The following SMARCAD1 variants were observed in gnomAD, a reference collection of about 807,000 sequenced individuals.
SMARCAD1 encodes the protein SNF2 related chromatin remodeling ATPase with DExD box 1.
A neutral mutation model predicts 127.1 loss-of-function variants in SMARCAD1; 25 were observed. The ratio of observed to expected loss-of-function variants is 0.20; its 90% confidence interval spans 0.14 to 0.27. SMARCAD1 has a LOEUF of 0.27. Ranked by LOEUF, SMARCAD1 falls within the 10% of genes least tolerant of loss-of-function variation. The pLI is 1.00. For synonymous variants in SMARCAD1, 400 were observed against 396.9 expected, an observed-to-expected ratio of 1.01 and a Z score of -0.09; for missense variants, 807 against 1,206.0, an observed-to-expected ratio of 0.67 and a Z score of 4.90.
At position 94,274,726 on chromosome 4, in the gene SMARCAD1, T is replaced by C. The variant is rs780767433; in HGVS notation, c.1673-12T>C. ...TGTAGCAGATGCAAATAATGTCTCT[T>C]CTGTTCCATAGATAACTGGTTAAGG... On this transcript the variant is annotated splice_polypyrimidine_tract_variant and intron_variant, in intron 12 of 23. Transcript: ENST00000354268. 6.2e-7 allele frequency: 1 copy of C among 1,612,752 alleles called. No individual in the cohort carries two copies.
chr4:94,237,327 T>C (rs897864955), intron 5 of SMARCAD1, among the ~76,000 whole-genome samples: 1 of 152,072 alleles, frequency 6.6e-6, no homozygotes, highest in African/African-American at 2.4e-5. Flanking sequence ...AGTAGGAACA[T>C]AATGTCTTAG....
chr4:94,210,929 C>CAAAAA lies in SMARCAD1; in HGVS notation c.190+2362_190+2366dup, dbSNP rs747690168. ...AGCCTGGGGGACAGAGACTGTATCT[C>CAAAAA]AAAAAAAAAAAAAAAAAAAAAGGTA... On this transcript the variant is annotated intron_variant, in intron 2 of 23. Coordinates refer to ENST00000354268, the MANE Select transcript of SMARCAD1 (RefSeq NM_020159.5). 4.2e-3 allele frequency among the ~76,000 whole-genome samples: 238 copies of CAAAAA among 56,950 alleles called. 8 individuals carry two copies. The highest frequency in any genetic ancestry group is 0.017 in the African/African-American group (209 of 11,972). 37.4% of individuals were successfully genotyped at this position (56,950 alleles called of 152,430 possible). A position where few individuals can be genotyped will look rare whatever the true frequency, so the allele number is the denominator to read the frequency against.
At chr4:94,225,283 C>T (rs963370195) in intron 2 of SMARCAD1, among the ~76,000 whole-genome samples, 3 of 149,090 alleles carry the variant, frequency 2.0e-5, no homozygotes, top group Non-Finnish European at 3.0e-5. Context: ...CTTCTTGGGC[C>T]TCTTTCCTTG....
chr4:94,217,038 T>G (rs1021975873), intron 2 of SMARCAD1, among the ~76,000 whole-genome samples: 4 of 152,206 alleles, frequency 2.6e-5, no homozygotes, highest in Non-Finnish European at 5.9e-5. Context: ...CCATTTTACA[T>G]TTCTGCCAAC....
chr4:94,271,095 C>T (rs1465276100), intron 11 of SMARCAD1, among the ~76,000 whole-genome samples: 1 of 152,144 alleles, frequency 6.6e-6, no homozygotes, highest in Non-Finnish European at 1.5e-5. Flanking sequence ...ATCAAAGTCA[C>T]CTGTAATTCT....
Position 94,237,029 on chromosome 4 carries a change from C to A in SMARCAD1, c.604+11C>A, listed in dbSNP as rs771461272. On this transcript the variant is annotated intron_variant, in intron 5 of 23. Coordinates refer to ENST00000354268, the MANE Select transcript of SMARCAD1 (RefSeq NM_020159.5). ...TGTTTGGTGATGCAGGTATGCTTGA[C>A]TTAATTTTAAGCCATGTCGATTTAT... The A allele has an allele frequency of 2.5e-6, 4 of 1,611,086 alleles. No homozygotes were observed. The highest frequency in any genetic ancestry group is 3.4e-6 in the Non-Finnish European group (4 of 1,177,796).
At chr4:94,267,834 C>G (rs1751961187) in intron 10 of SMARCAD1, among the ~76,000 whole-genome samples, 1 of 151,988 alleles carries the variant, frequency 6.6e-6, no homozygotes, top group Admixed American at 6.6e-5. Flanking sequence ...ATTGGTGGTT[C>G]AGATATATAT....
At chr4:94,233,486 A>G (rs1290990343) in intron 3 of SMARCAD1, among the ~76,000 whole-genome samples, 2 of 152,222 alleles carry the variant, frequency 1.3e-5, no homozygotes, top group Admixed American at 6.5e-5. Context: ...AGAGATTCCT[A>G]TATTCAATGG....
intron 9 of SMARCAD1, among the ~76,000 whole-genome samples, chr4:94,262,005 G>C (rs532973843): frequency 1.3e-5 from 2 of 152,024 alleles, no homozygotes; most frequent in Non-Finnish European, 2.9e-5. Flanking sequence ...ATTTCTTCTT[G>C]CTCTGTCTTT....
In SMARCAD1 at chr4:94,252,877, G is replaced by A. The variant is rs1318929835; in HGVS notation, c.1151G>A (p.Gly384Asp). Residue 384 changes from glycine to aspartate, a missense_variant, in exon 9 of 24, where the codon GGC becomes GAC. By Grantham distance (94) the Gly-to-Asp change is moderately conservative. Transcript: ENST00000354268. ...YSSGEEVMED[G>D]YKGKILHFLQ... ...AGTGGTGAAGAAGTGATGGAGGATG[G>A]CTATAAAGGTAAAATTCTTCACTTC... is the stretch of plus-strand genomic sequence containing the variant. The A allele has an allele frequency of 6.2e-7, 1 of 1,614,104 alleles. No homozygotes were observed. The highest frequency in any genetic ancestry group is 1.3e-5 in the African/African-American group (1 of 75,056).
At chr4:94,210,949 AAG>A (rs1553912114) in intron 2 of SMARCAD1, among the ~76,000 whole-genome samples, 1 of 150,032 alleles carries the variant, frequency 6.7e-6, no homozygotes, top group Non-Finnish European at 1.5e-5. Context: ...AAAAAAAAAA[AAG>A]GTAAATGTCT....
At position 94,252,818 on chromosome 4, in the gene SMARCAD1, T is replaced by G; in HGVS notation, c.1092T>G (p.Ser364=). 1 of 1,614,108 alleles carries G rather than the reference T, an allele frequency of 6.2e-7. No homozygotes were observed. Among genetic ancestry groups the G allele is most frequent in the Non-Finnish European group, 8.5e-7 (1 of 1,179,982 alleles). The change falls in exon 9 of 24, where the codon TCT becomes TCG. Residue 364 remains serine, a synonymous_variant. Coordinates refer to ENST00000354268, the MANE Select transcript of SMARCAD1 (RefSeq NM_020159.5). ...VVEDSEYDSG[S]DVGSSLDEDY... is the part of the protein sequence containing the mutation. The stretch of plus-strand genomic sequence containing the variant: ...AAGACTCTGAATATGATTCAGGTTC[T>G]GATGTCGGTAGTTCACTAGATGAGG...
At position 94,210,117 on chromosome 4, in the gene SMARCAD1, G is replaced by T. The variant is rs1401128265; in HGVS notation, c.190+1533G>T. 2.6e-5 allele frequency among the ~76,000 whole-genome samples: 4 copies of T among 152,134 alleles called. No homozygotes were observed. In the East Asian group the frequency reaches 7.7e-4, roughly 29 times the overall value. On this transcript the variant is annotated intron_variant, in intron 2 of 23. Coordinates refer to ENST00000354268, the MANE Select transcript of SMARCAD1 (RefSeq NM_020159.5). ...CTTTAATTTCCTTTAGTGATCAGAA[G>T]ATATTTTTCTGTTTTTATTTCTTTC...
intron 4 of SMARCAD1, among the ~76,000 whole-genome samples, chr4:94,235,509 G>A (rs1579109125): frequency 1.5e-5 from 2 of 137,276 alleles, no homozygotes; most frequent in Non-Finnish European, 3.4e-5. Flanking sequence ...TGTTATTTTT[G>A]ACATGAATCC....
At chr4:94,224,799 G>A (rs973238990) in intron 2 of SMARCAD1, among the ~76,000 whole-genome samples, 2 of 152,034 alleles carry the variant, frequency 1.3e-5, no homozygotes, top group African/African-American at 4.8e-5. Flanking sequence ...TTCTCTCAGG[G>A]TTTATTTCTC....
intron 21 of SMARCAD1, among the ~76,000 whole-genome samples, chr4:94,282,414 G>A (rs1054038698): frequency 4.6e-5 from 7 of 151,862 alleles, no homozygotes; most frequent in Non-Finnish European, 8.8e-5. Context: ...TTTTGAAACA[G>A]CTATTAGAAT....
chr4:94,282,100 G>GTTTTTTTT lies in SMARCAD1; in HGVS notation c.2726+520_2726+527dup, dbSNP rs70946518. ...GAATTACATGCAAATACGTTTTTTT[G>GTTTTTTTT]TTTTTTTTTTTTTTTTTGAGACGGA... On this transcript the variant is annotated intron_variant, in intron 21 of 23. Coordinates refer to ENST00000354268, the MANE Select transcript of SMARCAD1 (RefSeq NM_020159.5). Among the ~76,000 whole-genome samples, 7 of 74,964 alleles carry GTTTTTTTT rather than the reference G, an allele frequency of 9.3e-5. 1 individual carries two copies. The highest frequency in any genetic ancestry group is 1.6e-4 in the Non-Finnish European group (7 of 44,148). 49.2% of individuals were successfully genotyped at this position (74,964 alleles called of 152,430 possible).
At chr4:94,244,462 T>A (rs1257292959) in intron 6 of SMARCAD1, among the ~76,000 whole-genome samples, 1 of 152,240 alleles carries the variant, frequency 6.6e-6, no homozygotes, top group Non-Finnish European at 1.5e-5. Context: ...CAAATATCTG[T>A]TATGAACGCA....
At chr4:94,233,035 T>C (rs2664892) in intron 3 of SMARCAD1, among the ~76,000 whole-genome samples, 58,933 of 152,064 alleles carry the variant, frequency 0.39, 12,293 homozygotes, top group East Asian at 0.71. Context: ...TTAGATGTTC[T>C]TAGGCATCAC....
Sources: gnomAD v4.1 joint callset for allele counts (sites outside exome capture counted in the v4.1 genomes callset) on GRCh38, gnomAD v4.1.1 for gene constraint, MANE v1.5 for transcripts, NCBI Gene and HGNC (gene_info 2026-07-23, HGNC 2026-07-21) for gene names.